Variants in SP140L observed in about 807,000 individuals in gnomAD.
SP140L encodes nuclear body protein SP140-like protein.
SP140L carries 64 observed loss-of-function variants against 84.3 expected under a neutral mutation model. That is an observed-to-expected ratio of 0.76 (90% confidence interval 0.62 to 0.94). The LOEUF is 0.94. Ranked by LOEUF, SP140L falls within the 40% of genes least tolerant of loss-of-function variation. The probability of loss-of-function intolerance (pLI) is 0.00; values close to 1 mark genes in which losing one functional copy is unlikely to be tolerated. For synonymous variants in SP140L, 242 were observed against 236.9 expected (o/e 1.02, Z -0.20); for missense variants, 628 against 692.5 (o/e 0.91, Z 1.05).
chr2:230,334,991 C>A (rs1242240649), intron 2 of SP140L, among the ~76,000 whole-genome samples: 2 of 151,948 alleles, frequency 1.3e-5, no homozygotes, highest in Non-Finnish European at 2.9e-5. Context: ...ATCGAAATTT[C>A]TCTTATAAAG....
At chr2:230,390,344 A>G (rs953446267) in intron 11 of SP140L, among the ~76,000 whole-genome samples, 1 of 152,212 alleles carries the variant, frequency 6.6e-6, no homozygotes, top group African/African-American at 2.4e-5. Context: ...CTCAAGCTTC[A>G]TATTCTCTCT....
chr2:230,354,900 AAG>A (rs1311099981), intron 2 of SP140L, among the ~76,000 whole-genome samples: 3 of 148,410 alleles, frequency 2.0e-5, no homozygotes, highest in Non-Finnish European at 3.0e-5. Flanking sequence ...AAAGAAAGGA[AAG>A]AGAAAGAAGA....
intron 8 of SP140L, 113 bp from the exon 9 acceptor site, chr2:230,385,111 T>C: frequency 1.0e-6 from 1 of 967,190 alleles, no homozygotes; most frequent in Non-Finnish European, 1.6e-6. Context: ...TCTGGACACC[T>C]GCTCGAGGGG....
At chr2:230,361,139 A>T (rs956534812) in intron 4 of SP140L, among the ~76,000 whole-genome samples, 1 of 152,076 alleles carries the variant, frequency 6.6e-6, no homozygotes, top group Admixed American at 6.6e-5. Flanking sequence ...TTTTTCAGAC[A>T]CAAGGTCTTG....
chr2:230,342,978 G>A (rs953386673), intron 2 of SP140L, among the ~76,000 whole-genome samples: 2 of 152,148 alleles, frequency 1.3e-5, no homozygotes, highest in African/African-American at 4.8e-5. Flanking sequence ...CGTTGTTGGA[G>A]ATTTTTCTTT....
At chr2:230,338,693 T>G (rs1309821278) in intron 2 of SP140L, among the ~76,000 whole-genome samples, 7 of 118,554 alleles carry the variant, frequency 5.9e-5, no homozygotes, top group Non-Finnish European at 1.2e-4. Flanking sequence ...TTATTGAGAG[T>G]TTTTAGCATG....
rs770415983 is a variant in SP140L, at chr2:230,383,464, A to T, written c.638-46A>T. 4.6e-6 allele frequency: 7 copies of T among 1,527,690 alleles called. No individual in the cohort carries two copies. The South Asian group carries it at 8.8e-5, about 19-fold the overall frequency. The allele number at this position is 1,527,690 out of a possible 1,614,324, so 94.6% of individuals were successfully genotyped here. A position where few individuals can be genotyped will look rare whatever the true frequency, so the allele number is the denominator to read the frequency against. ...ACTAGCATATAAAGCTCAAATAATT[A>T]TATTTATTCCTCTGTATAATTAACT... On this transcript the variant is annotated intron_variant, in intron 7 of 18. Transcript: ENST00000415673.
At chr2:230,363,636 G>A (rs1030405490) in intron 5 of SP140L, among the ~76,000 whole-genome samples, 1 of 151,746 alleles carries the variant, frequency 6.6e-6, no homozygotes, top group African/African-American at 2.4e-5. Context: ...TCTTCACTCT[G>A]CTGATTGTTT....
chr2:230,365,276 G>A (rs1317473625), intron 5 of SP140L, among the ~76,000 whole-genome samples: 5 of 152,010 alleles, frequency 3.3e-5, no homozygotes, highest in Non-Finnish European at 5.9e-5. Context: ...AAACCATCTG[G>A]TCCTGGGCTT....
In SP140L at chr2:230,328,747, G is replaced by A. The variant is rs765187755; in HGVS notation, c.33-10G>A. ...ACTTGTTTATAGATCCTGCCAAATT[G>A]TCTTTTTAGGGGGCTGAACGGAGGT... On this transcript the variant is annotated splice_polypyrimidine_tract_variant and intron_variant, in intron 1 of 18. Transcript: ENST00000415673. 1.4e-5 allele frequency: 22 copies of A among 1,610,918 alleles called. No homozygotes were observed. The highest frequency in any genetic ancestry group is 1.8e-5 in the Non-Finnish European group (21 of 1,178,588).
chr2:230,333,983 T>C (rs1305812339), intron 2 of SP140L, among the ~76,000 whole-genome samples: 1 of 152,232 alleles, frequency 6.6e-6, no homozygotes, highest in Non-Finnish European at 1.5e-5. Context: ...ATTTTTAGAA[T>C]TGCATCTGTT....
chr2:230,400,973 C>G lies in SP140L; in HGVS notation c.1332C>G (p.Ile444Met). Residue 444 changes from isoleucine to methionine, a missense_variant, in exon 16 of 19, where the codon ATC becomes ATG. Ile to Met is a conservative substitution (Grantham distance 10, BLOSUM62 1). This residue lies in a region of SP140L where 52 missense variants were observed against 87.0 expected (regional missense o/e 0.60). Transcript: ENST00000415673. ...CTCTCAGGACCCCGTGGAATTGCAT[C>G]TTCTGCAGGATGAAGGAGTCTCCGG... is the stretch of plus-strand genomic sequence containing the variant. ...VESEKTPWNC[I>M]FCRMKESPGS... The G allele has an allele frequency of 2.0e-6, 3 of 1,537,188 alleles. No individual in the cohort carries two copies. The highest frequency in any genetic ancestry group is 2.7e-6 in the Non-Finnish European group (3 of 1,129,884).
intron 5 of SP140L, among the ~76,000 whole-genome samples, chr2:230,370,142 A>G (rs563896037): frequency 6.6e-6 from 1 of 152,192 alleles, no homozygotes; most frequent in African/African-American, 2.4e-5. Flanking sequence ...TTTCTATTTT[A>G]CTCTCAGGAC....
chr2:230,329,235 T>C (rs2059661440), intron 2 of SP140L, among the ~76,000 whole-genome samples: 1 of 152,236 alleles, frequency 6.6e-6, no homozygotes, highest in Non-Finnish European at 1.5e-5. Flanking sequence ...CAGATTTGAT[T>C]CTGCCTTTGT....
intron 5 of SP140L, among the ~76,000 whole-genome samples, chr2:230,368,468 C>A (rs1050075057): frequency 7.2e-5 from 11 of 152,100 alleles, no homozygotes; most frequent in Admixed American, 5.9e-4. Flanking sequence ...ATCTTTTGAC[C>A]TTCTGGTACC....
intron 2 of SP140L, among the ~76,000 whole-genome samples, chr2:230,330,536 A>G (rs550277320): frequency 3.7e-4 from 56 of 152,358 alleles, no homozygotes; most frequent in Non-Finnish European, 7.8e-4. Context: ...CACTGACTCT[A>G]TAGATCAATT....
intron 1 of SP140L, among the ~76,000 whole-genome samples, chr2:230,327,796 G>T (rs1360928875): frequency 6.6e-6 from 1 of 152,142 alleles, no homozygotes; most frequent in Non-Finnish European, 1.5e-5. Context: ...TGGAAACTGT[G>T]GTTTCACCTG....
At chr2:230,392,045 G>C in intron 11 of SP140L, 42 bp from the exon 12 acceptor site, 1 of 1,611,330 alleles carries the variant, frequency 6.2e-7, no homozygotes, top group Non-Finnish European at 8.5e-7. Context: ...CTGAGCGCTG[G>C]GAACAAAGAG....
intron 2 of SP140L, among the ~76,000 whole-genome samples, chr2:230,357,274 A>T (rs1381066893): frequency 6.6e-6 from 1 of 152,220 alleles, no homozygotes; most frequent in East Asian, 1.9e-4. Flanking sequence ...TGGTATTATT[A>T]TCATTATTAA....
Sources: allele counts gnomAD v4.1 joint callset (sites outside exome capture counted in the v4.1 genomes callset), GRCh38; gene constraint gnomAD v4.1.1; regional missense constraint gnomAD v4.1.1; transcripts MANE v1.5; gene names NCBI Gene and HGNC (gene_info 2026-07-23, HGNC 2026-07-21).